Variants in GRIA1 observed in about 807,000 individuals in gnomAD.
GRIA1 encodes the protein glutamate ionotropic receptor AMPA type subunit 1.
Under a neutral mutation model 99.2 loss-of-function variants are expected in GRIA1, and 31 were observed. The ratio of observed to expected loss-of-function variants is 0.31; its 90% confidence interval spans 0.23 to 0.42. GRIA1 has a LOEUF of 0.42. GRIA1 is among the 10% of genes least tolerant of loss of function. The pLI, the probability that GRIA1 is intolerant of heterozygous loss-of-function variation, is 1.00. For synonymous variants in GRIA1, 438 were observed against 432.4 expected (o/e 1.01, Z -0.16); for missense variants, 782 against 1,157.5 (o/e 0.68, Z 4.71).
chr5:153,665,787 A>G (rs1755701132), intron 5 of GRIA1, among the ~76,000 whole-genome samples: 2 of 152,206 alleles, frequency 1.3e-5, no homozygotes. Context: ...TATAAAACAG[A>G]TAAAAAGCAG....
chr5:153,654,265 G>C (rs529809948), intron 4 of GRIA1, among the ~76,000 whole-genome samples: 23 of 152,224 alleles, frequency 1.5e-4, no homozygotes, highest in Non-Finnish European at 2.9e-4. Flanking sequence ...GGGAAGGTTG[G>C]TATCAGGTTG....
intron 2 of GRIA1, among the ~76,000 whole-genome samples, chr5:153,594,060 T>C (rs1015254311): frequency 3.9e-5 from 6 of 152,264 alleles, no homozygotes; most frequent in Non-Finnish European, 8.8e-5. Flanking sequence ...TTTTCCATTG[T>C]GGCTGATTAA....
At chr5:153,724,227 A>G (rs2149545624) in intron 11 of GRIA1, among the ~76,000 whole-genome samples, 1 of 152,244 alleles carries the variant, frequency 6.6e-6, no homozygotes, top group African/African-American at 2.4e-5. Flanking sequence ...AAGGACATCC[A>G]CACCAAAAAC....
At chr5:153,528,635 T>C (rs79215447) in intron 2 of GRIA1, among the ~76,000 whole-genome samples, 3,213 of 152,296 alleles carry the variant, frequency 0.021, 53 homozygotes, top group Middle Eastern at 0.044. Context: ...GAGCTAAATG[T>C]TTCTTTCTCT....
chr5:153,622,764 C>G (rs1481587348), intron 2 of GRIA1, among the ~76,000 whole-genome samples: 1 of 152,112 alleles, frequency 6.6e-6, no homozygotes, highest in African/African-American at 2.4e-5. Flanking sequence ...CTCCACCAAG[C>G]TCTTTGCTGG....
At chr5:153,673,192 C>T (rs1422870424) in intron 5 of GRIA1, among the ~76,000 whole-genome samples, 1 of 152,180 alleles carries the variant, frequency 6.6e-6, no homozygotes, top group Non-Finnish European at 1.5e-5. Flanking sequence ...GCTCAGAATG[C>T]TCTTCTCCAA....
intron 12 of GRIA1, among the ~76,000 whole-genome samples, chr5:153,766,595 A>G (rs1436078137): frequency 6.6e-6 from 1 of 152,174 alleles, no homozygotes; most frequent in Non-Finnish European, 1.5e-5. Context: ...AGGGGTGGGT[A>G]CCAAATCTGA....
At chr5:153,569,523 G>A (rs1761929381) in intron 2 of GRIA1, among the ~76,000 whole-genome samples, 1 of 152,192 alleles carries the variant, frequency 6.6e-6, no homozygotes, top group Non-Finnish European at 1.5e-5. Context: ...AGCTGTATGG[G>A]GCAAAAAGCC....
chr5:153,612,027 C>A (rs752116886), intron 2 of GRIA1, among the ~76,000 whole-genome samples: 43 of 152,304 alleles, frequency 2.8e-4, no homozygotes, highest in Non-Finnish European at 4.6e-4. Context: ...TTCTCACCTG[C>A]AAACTAGGGA....
At position 153,674,496 on chromosome 5, in the gene GRIA1, A is replaced by T. The variant is rs377576845; in HGVS notation, c.700-4A>T. 8 of 1,613,888 alleles carry T rather than the reference A, an allele frequency of 5.0e-6. No individual in the cohort carries two copies. The highest frequency in any genetic ancestry group is 6.8e-6 in the Non-Finnish European group (8 of 1,179,930). On this transcript the variant is annotated splice_polypyrimidine_tract_variant and splice_region_variant and intron_variant, in intron 5 of 15. Transcript: ENST00000285900. ...CTAACTTCTCCCTCCTCCCCCTCTC[A>T]CAGGGCTTCATGGACATTGACTTAA...
intron 2 of GRIA1, among the ~76,000 whole-genome samples, chr5:153,527,177 A>C (rs1191473119): frequency 6.6e-6 from 1 of 152,190 alleles, no homozygotes; most frequent in Non-Finnish European, 1.5e-5. Context: ...CTGAAATCGC[A>C]AAAATTCAAA....
At chr5:153,676,953 A>T in intron 6 of GRIA1, 41 bp from the exon 7 acceptor site, 1 of 1,341,834 alleles carries the variant, frequency 7.5e-7, no homozygotes, top group Non-Finnish European at 9.7e-7. Context: ...CCTTCCTGTC[A>T]GCTCTCTTTG....
chr5:153,664,812 T>G, intron 5 of GRIA1, among the ~76,000 whole-genome samples: 1 of 152,232 alleles, frequency 6.6e-6, no homozygotes, highest in Middle Eastern at 3.2e-3. Flanking sequence ...ATGTTTGGAC[T>G]TTCATTCTTC....
chr5:153,709,943 A>T (rs1428379840), intron 11 of GRIA1, among the ~76,000 whole-genome samples: 1 of 152,134 alleles, frequency 6.6e-6, no homozygotes, highest in Non-Finnish European at 1.5e-5. Flanking sequence ...ACTGTGCCTA[A>T]AATCAATGTT....
intron 2 of GRIA1, among the ~76,000 whole-genome samples, chr5:153,523,522 T>TTA (rs61390362): frequency 2.0e-5 from 3 of 150,960 alleles, no homozygotes; most frequent in African/African-American, 7.3e-5. Flanking sequence ...TTTTTTTTTT[T>TTA]ATTTATGCTT....
Position 153,674,513 on chromosome 5 carries a change from T to C in GRIA1, c.713T>C (p.Ile238Thr), listed in dbSNP as rs763570498. ...CCCCTCTCACAGGGCTTCATGGACATTGACTTAAACAAATTCAAGGAGAGT... is the reference window on the plus strand; with the variant it reads ...CCCCTCTCACAGGGCTTCATGGACACTGACTTAAACAAATTCAAGGAGAGT... Reference protein sequence around the residue: ...YILANLGFMDIDLNKFKESGA... With the variant: ...YILANLGFMDTDLNKFKESGA... The change falls in exon 6 of 16, where the codon ATT becomes ACT. Residue 238 changes from isoleucine (I) to threonine (T), a missense_variant. Coordinates refer to ENST00000285900, the MANE Select transcript of GRIA1 (RefSeq NM_000827.4). The C allele has an allele frequency of 5.0e-6, 8 of 1,613,998 alleles. No individual in the cohort carries two copies. The highest frequency in any genetic ancestry group is 2.2e-5 in the East Asian group (1 of 44,884).
chr5:153,726,281 G>A (rs1760519879), intron 11 of GRIA1, among the ~76,000 whole-genome samples: 1 of 147,770 alleles, frequency 6.8e-6, no homozygotes, highest in Non-Finnish European at 1.5e-5. Flanking sequence ...GCCCACAAGA[G>A]AATGCAGGAA....
rs964139738 is a variant in GRIA1 at position 153,582,488 on chromosome 5, G to A, written c.221-64440G>A. ...TAGCTTAGTTTGGGGAATGTGGAGC[G>A]AGCCTAAAAGAGGATAGATGTCTCA... On this transcript the variant is annotated intron_variant, in intron 2 of 15. Coordinates refer to ENST00000285900, the MANE Select transcript of GRIA1 (RefSeq NM_000827.4). Among the ~76,000 whole-genome samples the A allele has an allele frequency of 1.1e-4, 16 of 152,248 alleles. No homozygotes were observed. In the East Asian group the frequency reaches 1.7e-3, roughly 17 times the overall value.
intron 13 of GRIA1, among the ~76,000 whole-genome samples, chr5:153,773,878 C>T (rs79866541): frequency 0.011 from 1,621 of 152,100 alleles, 17 homozygotes; most frequent in African/African-American, 0.036. Flanking sequence ...AAAAGAGTAA[C>T]GCTCGTCTTA....
Sources: allele counts gnomAD v4.1 joint callset (sites outside exome capture counted in the v4.1 genomes callset), GRCh38; gene constraint gnomAD v4.1.1; transcripts MANE v1.5; gene names NCBI Gene and HGNC (gene_info 2026-07-23, HGNC 2026-07-21).